PTPN12: variants seen among roughly 807,000 people sequenced by gnomAD.
PTPN12 encodes the protein protein tyrosine phosphatase non-receptor type 12.
A neutral mutation model predicts 97.6 loss-of-function variants in PTPN12; 29 were observed. That is an observed-to-expected ratio of 0.30 (90% CI 0.22 to 0.41). PTPN12 has a LOEUF of 0.41. PTPN12 is among the 10% of genes least tolerant of loss of function. The pLI is 1.00. For synonymous variants in PTPN12, 327 were observed against 300.4 expected (o/e 1.09, Z -0.91); for missense variants, 819 against 926.0 (o/e 0.88, Z 1.50).
At chr7:77,543,976 T>A (rs1480167937) in intron 1 of PTPN12, among the ~76,000 whole-genome samples, 1 of 152,244 alleles carries the variant, frequency 6.6e-6, no homozygotes, top group Non-Finnish European at 1.5e-5. Context: ...GCTATGAACA[T>A]TTGTGTACAA....
At chr7:77,594,657 A>G (rs1383970401) in intron 6 of PTPN12, among the ~76,000 whole-genome samples, 1 of 152,090 alleles carries the variant, frequency 6.6e-6, no homozygotes, top group Non-Finnish European at 1.5e-5. Context: ...GGCTGCTGGC[A>G]TGGGCCACTA....
intron 2 of PTPN12, among the ~76,000 whole-genome samples, chr7:77,576,504 C>T (rs936438251): frequency 6.6e-6 from 1 of 152,086 alleles, no homozygotes; most frequent in African/African-American, 2.4e-5. Context: ...CAAGACCAGC[C>T]TGGCCAATAC....
chr7:77,582,217 C>T (rs1319702171), intron 3 of PTPN12, among the ~76,000 whole-genome samples: 2 of 148,068 alleles, frequency 1.4e-5, no homozygotes, highest in African/African-American at 2.5e-5. Flanking sequence ...GCCTTGGTCT[C>T]GATCTCCTGA....
At chr7:77,542,308 T>C (rs1807015977) in intron 1 of PTPN12, among the ~76,000 whole-genome samples, 1 of 152,170 alleles carries the variant, frequency 6.6e-6, no homozygotes, top group Non-Finnish European at 1.5e-5. Flanking sequence ...CATCTCACCT[T>C]CTCCAGCCTG....
chr7:77,626,752 A>C lies in PTPN12; in HGVS notation c.1073A>C (p.Glu358Ala), dbSNP rs1789199753. 6.2e-7 allele frequency: 1 copy of C among 1,611,640 alleles called. No individual in the cohort carries two copies. Among genetic ancestry groups the C allele is most frequent in the African/African-American group, 1.3e-5 (1 of 74,746 alleles). ...AAAGAAGAAATACTGCAGCCACCGG[A>C]ACCTCATCCAGTGCCACCCATCTTG... ...DAKEEILQPP[E>A]PHPVPPILTP... is the part of the protein sequence containing the mutation. The change falls in exon 13 of 18, where the codon GAA becomes GCA. Residue 358 changes from glutamate to alanine, a missense_variant. Transcript: ENST00000248594.
intron 1 of PTPN12, among the ~76,000 whole-genome samples, chr7:77,542,479 G>A (rs1218885219): frequency 1.3e-5 from 2 of 152,160 alleles, no homozygotes; most frequent in Non-Finnish European, 2.9e-5. Context: ...TATGAAGGGT[G>A]GCATTTTGGA....
intron 11 of PTPN12, 88 bp downstream of exon 11, chr7:77,611,134 T>G: frequency 1.0e-6 from 1 of 993,970 alleles, no homozygotes; most frequent in Non-Finnish European, 1.5e-6. Flanking sequence ...TCTTGTGTTT[T>G]GTCTAACATG....
intron 12 of PTPN12, among the ~76,000 whole-genome samples, chr7:77,620,662 T>C (rs1788900469): frequency 6.6e-6 from 1 of 152,202 alleles, no homozygotes; most frequent in Non-Finnish European, 1.5e-5. Context: ...TTAAAGTACA[T>C]GATGGGGCCA....
At chr7:77,591,904 A>G (rs1042259753) in intron 5 of PTPN12, among the ~76,000 whole-genome samples, 2 of 152,204 alleles carry the variant, frequency 1.3e-5, no homozygotes, top group African/African-American at 4.8e-5. Flanking sequence ...TTTCTTGTCT[A>G]GAGGAGGATC....
intron 2 of PTPN12, among the ~76,000 whole-genome samples, chr7:77,572,197 C>T (rs1032867497): frequency 2.6e-5 from 4 of 151,364 alleles, no homozygotes; most frequent in Non-Finnish European, 2.9e-5. Context: ...CAGGTTCAAG[C>T]GACTCTTGTA....
intron 12 of PTPN12, 38 bp from the exon 13 acceptor site, chr7:77,626,667 C>T: frequency 6.5e-7 from 1 of 1,540,970 alleles, no homozygotes; most frequent in South Asian, 1.3e-5. Flanking sequence ...ACTTGTTTAA[C>T]AGTCTTAAAA....
intron 12 of PTPN12, among the ~76,000 whole-genome samples, chr7:77,625,004 A>G (rs1196766545): frequency 6.6e-6 from 1 of 151,868 alleles, no homozygotes; most frequent in East Asian, 2.0e-4. Flanking sequence ...GTGTGGTGGC[A>G]TGTGCCTGTA....
chr7:77,540,302 A>G (rs1292612374), intron 1 of PTPN12, among the ~76,000 whole-genome samples: 8 of 150,738 alleles, frequency 5.3e-5, no homozygotes, highest in African/African-American at 1.2e-4. Context: ...CAGTGGCTCA[A>G]TCTCGGCTCA....
intron 16 of PTPN12, among the ~76,000 whole-genome samples, chr7:77,637,873 A>C (rs1789654843): frequency 1.3e-5 from 2 of 150,866 alleles, no homozygotes; most frequent in South Asian, 4.2e-4. Flanking sequence ...AAAAAAAAAA[A>C]AAACAAGTAG....
intron 1 of PTPN12, among the ~76,000 whole-genome samples, chr7:77,553,796 G>C (rs988678572): frequency 6.6e-6 from 1 of 151,376 alleles, no homozygotes. Context: ...GATAGCATTG[G>C]ATTAATGTCT....
chr7:77,553,596 ATAAC>A (rs1807571491), intron 1 of PTPN12, among the ~76,000 whole-genome samples: 1 of 152,346 alleles, frequency 6.6e-6, no homozygotes, highest in South Asian at 2.1e-4. Context: ...TCTGAAATTA[ATAAC>A]TAGTCTCATT....
At chr7:77,636,985 T>C in intron 15 of PTPN12, 33 bp from the exon 16 acceptor site, 1 of 1,541,210 alleles carries the variant, frequency 6.5e-7, no homozygotes, top group Non-Finnish European at 8.9e-7. Flanking sequence ...AAAATGAATG[T>C]ATTGTAATAG....
intron 1 of PTPN12, among the ~76,000 whole-genome samples, chr7:77,565,796 A>G (rs958115741): frequency 6.6e-6 from 1 of 152,248 alleles, no homozygotes; most frequent in East Asian, 1.9e-4. Flanking sequence ...TTTTGTTTGT[A>G]TCAAAAATTC....
At chr7:77,577,583 C>G (rs1377881435) in intron 2 of PTPN12, among the ~76,000 whole-genome samples, 1 of 151,960 alleles carries the variant, frequency 6.6e-6, no homozygotes, top group Non-Finnish European at 1.5e-5. Flanking sequence ...GATATATGAA[C>G]AACATTATTG....
Sources: gnomAD v4.1 joint callset for allele counts (sites outside exome capture counted in the v4.1 genomes callset) on GRCh38, gnomAD v4.1.1 for gene constraint, MANE v1.5 for transcripts, NCBI Gene and HGNC (gene_info 2026-07-23, HGNC 2026-07-21) for gene names.